PTGER3: variants seen among roughly 807,000 people sequenced by gnomAD.
The protein encoded by PTGER3 is prostaglandin E receptor 3.
PTGER3 carries 22 observed loss-of-function variants against 34.7 expected under a neutral mutation model. The ratio of observed to expected loss-of-function variants is 0.63; its 90% CI spans 0.45 to 0.91. The LOEUF (loss-of-function observed/expected upper bound fraction) is 0.91. Ranked by LOEUF, PTGER3 falls within the 40% of genes least tolerant of loss-of-function variation. PTGER3 has a pLI of 0.00. For missense variants in PTGER3, 468 were observed against 519.4 expected (o/e 0.90, Z 0.96); for synonymous variants, 241 against 230.1 (o/e 1.05, Z -0.43).
chr1:70,906,526 A>G (rs919799882), intron 4 of PTGER3, among the ~76,000 whole-genome samples: 9 of 152,220 alleles, frequency 5.9e-5, no homozygotes, highest in Non-Finnish European at 1.0e-4. Context: ...CAGGAGTGGA[A>G]AAAATGAGCT....
At chr1:70,973,649 G>A (rs1653376444) in intron 3 of PTGER3, among the ~76,000 whole-genome samples, 2 of 152,116 alleles carry the variant, frequency 1.3e-5, no homozygotes, top group South Asian at 4.1e-4. Flanking sequence ...TAAGTCAACT[G>A]TGTTATCTCT....
chr1:70,956,138 A>G (rs1651307805), intron 2 of PTGER3, among the ~76,000 whole-genome samples: 1 of 152,190 alleles, frequency 6.6e-6, no homozygotes, highest in Non-Finnish European at 1.5e-5. Flanking sequence ...AATGTTGTTA[A>G]GTGGATCATA....
intron 4 of PTGER3, among the ~76,000 whole-genome samples, chr1:70,912,627 C>T (rs528171882): frequency 6.6e-6 from 1 of 152,182 alleles, no homozygotes; most frequent in African/African-American, 2.4e-5. Context: ...CATCATGGAA[C>T]CAACATATAA....
chr1:70,863,108 T>A (rs1170167947), intron 4 of PTGER3, among the ~76,000 whole-genome samples: 1 of 151,898 alleles, frequency 6.6e-6, no homozygotes, highest in Non-Finnish European at 1.5e-5. Context: ...TGATGGGCCA[T>A]AACATGAGCT....
intron 2 of PTGER3, among the ~76,000 whole-genome samples, chr1:70,957,067 C>T (rs1025741229): frequency 6.6e-6 from 1 of 152,102 alleles, no homozygotes; most frequent in Non-Finnish European, 1.5e-5. Context: ...AGGACAGAAT[C>T]GTAAATTAAA....
At chr1:71,025,299 A>C (rs1225083984) in intron 1 of PTGER3, among the ~76,000 whole-genome samples, 1 of 151,994 alleles carries the variant, frequency 6.6e-6, no homozygotes, top group Non-Finnish European at 1.5e-5. Context: ...TCTGGTGTTC[A>C]GATGACAGCC....
chr1:71,038,865 T>C (rs1473577113), intron 1 of PTGER3, among the ~76,000 whole-genome samples: 1 of 152,218 alleles, frequency 6.6e-6, no homozygotes, highest in East Asian at 1.9e-4. Context: ...ACATTTCTAA[T>C]TGCCTGTGAA....
chr1:71,016,282 C>A (rs564332667), intron 1 of PTGER3, among the ~76,000 whole-genome samples: 2 of 151,984 alleles, frequency 1.3e-5, no homozygotes, highest in Admixed American at 6.6e-5. Context: ...TATATGCCAG[C>A]AAGAAATTGC....
intron 4 of PTGER3, among the ~76,000 whole-genome samples, chr1:70,912,223 A>C (rs1647076396): frequency 6.6e-6 from 1 of 152,096 alleles, no homozygotes; most frequent in Admixed American, 6.5e-5. Context: ...CTCTGATTGC[A>C]GGATCTAGGA....
intron 2 of PTGER3, chr1:71,011,239 G>A (rs1572924925): frequency 1.0e-6 from 1 of 985,328 alleles, no homozygotes; most frequent in Non-Finnish European, 1.2e-6. Flanking sequence ...TGAGGAGCAG[G>A]CAGAAGAGCT....
At chr1:70,932,048 T>A (rs1170474310) in intron 4 of PTGER3, among the ~76,000 whole-genome samples, 1 of 152,230 alleles carries the variant, frequency 6.6e-6, no homozygotes, top group East Asian at 1.9e-4. Flanking sequence ...GCTTTGCTGC[T>A]TAGAAATTTC....
chr1:71,005,762 T>G, intron 2 of PTGER3: 12 of 708,222 alleles, frequency 1.7e-5, no homozygotes, highest in Non-Finnish European at 2.1e-5. Context: ...CCATGCCCTC[T>G]GAGGACATGA....
intron 2 of PTGER3, among the ~76,000 whole-genome samples, chr1:70,978,164 T>C (rs1312722328): frequency 6.6e-6 from 1 of 152,098 alleles, no homozygotes; most frequent in Non-Finnish European, 1.5e-5. Context: ...CTCTACTGCC[T>C]CGCTCCCTCC....
intron 2 of PTGER3, among the ~76,000 whole-genome samples, chr1:70,992,409 T>C (rs1260711783): frequency 2.0e-5 from 3 of 152,330 alleles, no homozygotes; most frequent in South Asian, 2.1e-4. Context: ...AAAAGCCTGA[T>C]ATACACAACA....
Position 70,982,589 on chromosome 1 carries a change from A to G in PTGER3, c.1078-8201T>C, listed in dbSNP as rs191187803. ...TTGTAAAATTGCTTCTTATTTTTCT[A>G]TTAGCCTTAAAATAAAGACAAACAT... is the stretch of plus-strand genomic sequence containing the variant. On this transcript the variant is annotated intron_variant, in intron 2 of 3. Transcript: ENST00000306666. 3.2e-3 allele frequency among the ~76,000 whole-genome samples: 482 copies of G among 152,256 alleles called. 1 individual carries two copies. Among genetic ancestry groups the G allele is most frequent in the Non-Finnish European group, 3.2e-3 (219 of 68,008 alleles).
intron 2 of PTGER3, among the ~76,000 whole-genome samples, chr1:70,992,052 C>T (rs982062018): frequency 6.6e-6 from 1 of 152,104 alleles, no homozygotes; most frequent in African/African-American, 2.4e-5. Flanking sequence ...TCATAGTAAT[C>T]CCAGAGGAAA....
chr1:71,021,575 T>C (rs1658424527), intron 1 of PTGER3, among the ~76,000 whole-genome samples: 1 of 149,724 alleles, frequency 6.7e-6, no homozygotes, highest in Admixed American at 6.6e-5. Flanking sequence ...CTAGATAATA[T>C]GTCATTGTCA....
At chr1:71,040,532 C>T (rs1660225852) in intron 1 of PTGER3, among the ~76,000 whole-genome samples, 1 of 151,966 alleles carries the variant, frequency 6.6e-6, no homozygotes, top group Non-Finnish European at 1.5e-5. Flanking sequence ...TCACTTGAAC[C>T]CAGGAGGCAG....
At chr1:70,880,415 C>T (rs542431597) in intron 4 of PTGER3, among the ~76,000 whole-genome samples, 6 of 147,886 alleles carry the variant, frequency 4.1e-5, no homozygotes, top group Admixed American at 1.4e-4. Flanking sequence ...TGAGGCTGGG[C>T]GAGGCAGCTC....
Sources: allele counts gnomAD v4.1 joint callset (sites outside exome capture counted in the v4.1 genomes callset), GRCh38; gene constraint gnomAD v4.1.1; transcripts MANE v1.5; gene names NCBI Gene and HGNC (gene_info 2026-07-23, HGNC 2026-07-21).